Variants in ZHX2 observed in about 807,000 individuals in gnomAD.
The protein encoded by ZHX2 is zinc fingers and homeoboxes 2.
Under a neutral mutation model 21.9 loss-of-function variants are expected in ZHX2, and 6 were observed. That is an observed-to-expected ratio of 0.27 (90% CI 0.15 to 0.54). The LOEUF is 0.54. Ranked by LOEUF, ZHX2 falls within the 20% of genes least tolerant of loss-of-function variation. ZHX2 has a pLI of 0.95. For missense variants in ZHX2, 908 were observed against 1,090.7 expected (o/e 0.83, Z 2.36); for synonymous variants, 434 against 437.1 (o/e 0.99, Z 0.09).
At chr8:122,946,023 C>A (rs1279983398) in intron 2 of ZHX2, among the ~76,000 whole-genome samples, 1 of 152,172 alleles carries the variant, frequency 6.6e-6, no homozygotes, top group Non-Finnish European at 1.5e-5. Context: ...GAGACACTGG[C>A]CCAGGGCAAG....
At chr8:122,856,118 G>A (rs1819016663) in intron 1 of ZHX2, among the ~76,000 whole-genome samples, 2 of 152,156 alleles carry the variant, frequency 1.3e-5, no homozygotes, top group Admixed American at 6.6e-5. Context: ...CCATTTTATG[G>A]ATGACAAAAC....
In ZHX2 at chr8:122,951,579, G is replaced by A; in HGVS notation, c.69G>A (p.Val23=). The A allele has an allele frequency of 1.9e-6, 3 of 1,613,836 alleles. No homozygotes were observed. Among genetic ancestry groups the A allele is most frequent in the East Asian group, 2.2e-5 (1 of 44,858 alleles). ...CATCACAAGTAGTAGAACAAGATGT[G>A]CCCGAGGAAGTAGACAGGGCCAAAG... ...VRTSQVVEQD[V]PEEVDRAKEK... The change falls in exon 3 of 4, where the codon GTG becomes GTA. Residue 23 remains valine, a synonymous_variant. Transcript: ENST00000314393.
chr8:122,823,137 G>A (rs1243054164), intron 1 of ZHX2, among the ~76,000 whole-genome samples: 2 of 152,158 alleles, frequency 1.3e-5, no homozygotes, highest in Admixed American at 1.3e-4. Context: ...TGGTCTTTGG[G>A]TGCCAAATTT....
intron 1 of ZHX2, among the ~76,000 whole-genome samples, chr8:122,814,231 T>C (rs956318538): frequency 8.5e-5 from 13 of 152,218 alleles, no homozygotes; most frequent in African/African-American, 3.1e-4. Context: ...AAATATTAAG[T>C]AAGCCAGTTG....
At chr8:122,960,700 G>T (rs569592062) in intron 3 of ZHX2, among the ~76,000 whole-genome samples, 1 of 152,286 alleles carries the variant, frequency 6.6e-6, no homozygotes, top group South Asian at 2.1e-4. Flanking sequence ...TGGCCATGGT[G>T]GGCATGACTT....
chr8:122,943,187 G>A (rs1013088348), intron 2 of ZHX2, among the ~76,000 whole-genome samples: 6 of 152,186 alleles, frequency 3.9e-5, no homozygotes, highest in South Asian at 2.1e-4. Context: ...GTTTGAGCCC[G>A]GAGTGTGGAG....
chr8:122,965,186 C>T (rs1329451829), intron 3 of ZHX2, among the ~76,000 whole-genome samples: 1 of 151,520 alleles, frequency 6.6e-6, no homozygotes, highest in African/African-American at 2.4e-5. Context: ...TTTTCTTCTG[C>T]TGGGTTTGGG....
chr8:122,799,760 T>C (rs1297717583), intron 1 of ZHX2, among the ~76,000 whole-genome samples: 3 of 152,360 alleles, frequency 2.0e-5, no homozygotes, highest in Non-Finnish European at 4.4e-5. Context: ...TTTCCCCAGA[T>C]TCTCGAGGAG....
At chr8:122,912,647 G>C (rs1429066471) in intron 2 of ZHX2, among the ~76,000 whole-genome samples, 2 of 152,172 alleles carry the variant, frequency 1.3e-5, no homozygotes, top group Non-Finnish European at 2.9e-5. Flanking sequence ...GCCCTTTGCA[G>C]AAGGCATTTT....
chr8:122,815,461 G>A (rs1462809376), intron 1 of ZHX2: 1 of 152,598 alleles, frequency 6.6e-6, no homozygotes, highest in Non-Finnish European at 1.5e-5. Context: ...AGAATTAGAA[G>A]TGGAGCCTGA....
chr8:122,947,385 T>G (rs924178148), intron 2 of ZHX2, among the ~76,000 whole-genome samples: 2 of 152,196 alleles, frequency 1.3e-5, no homozygotes, highest in Non-Finnish European at 2.9e-5. Flanking sequence ...CCAGCCACAA[T>G]TGCTTCTTGA....
chr8:122,805,506 C>T (rs1209687307), intron 1 of ZHX2, among the ~76,000 whole-genome samples: 2 of 152,188 alleles, frequency 1.3e-5, no homozygotes, highest in Non-Finnish European at 2.9e-5. Context: ...GGGACATGGG[C>T]CAGCCCCACA....
chr8:122,842,237 C>G (rs1818647037), intron 1 of ZHX2, among the ~76,000 whole-genome samples: 1 of 152,178 alleles, frequency 6.6e-6, no homozygotes, highest in Non-Finnish European at 1.5e-5. Flanking sequence ...AATCTATAGG[C>G]CTGGGATTGA....
At chr8:122,939,030 A>T (rs530762627) in intron 2 of ZHX2, among the ~76,000 whole-genome samples, 6 of 152,334 alleles carry the variant, frequency 3.9e-5, no homozygotes, top group African/African-American at 1.4e-4. Context: ...AGAAGCGGTG[A>T]GCAGGTGTAA....
At chr8:122,861,330 G>A (rs1819162689) in intron 1 of ZHX2, among the ~76,000 whole-genome samples, 1 of 152,128 alleles carries the variant, frequency 6.6e-6, no homozygotes, top group Non-Finnish European at 1.5e-5. Context: ...CACATTTTAT[G>A]GACATCATTC....
intron 2 of ZHX2, among the ~76,000 whole-genome samples, chr8:122,921,718 A>G (rs1222048674): frequency 6.6e-6 from 1 of 152,056 alleles, no homozygotes; most frequent in Non-Finnish European, 1.5e-5. Context: ...AATGGCAACT[A>G]TGTGAGGTGA....
At chr8:122,936,083 A>G (rs1366425656) in intron 2 of ZHX2, among the ~76,000 whole-genome samples, 1 of 152,134 alleles carries the variant, frequency 6.6e-6, no homozygotes, top group Non-Finnish European at 1.5e-5. Context: ...TTATATTTCT[A>G]TGTCCGAAAA....
intron 1 of ZHX2, among the ~76,000 whole-genome samples, chr8:122,827,367 T>C (rs117455668): frequency 6.6e-6 from 1 of 152,148 alleles, no homozygotes; most frequent in East Asian, 1.9e-4. Flanking sequence ...CTACCGAGGA[T>C]TGTTATTCAT....
chr8:122,941,872 C>T (rs1405573550), intron 2 of ZHX2, among the ~76,000 whole-genome samples: 1 of 152,146 alleles, frequency 6.6e-6, no homozygotes, highest in Non-Finnish European at 1.5e-5. Flanking sequence ...TAACTCTGGA[C>T]TGAGGTTCAT....
Sources: gnomAD v4.1 joint callset for allele counts (sites outside exome capture counted in the v4.1 genomes callset) on GRCh38, gnomAD v4.1.1 for gene constraint, MANE v1.5 for transcripts, NCBI Gene and HGNC (gene_info 2026-07-23, HGNC 2026-07-21) for gene names.